The following DPP10 variants were observed in gnomAD, a reference collection of about 807,000 sequenced individuals.
DPP10 encodes the protein inactive dipeptidyl peptidase 10.
In DPP10, 33 loss-of-function variants were observed where a neutral mutation model predicts 120.9. The ratio of observed to expected loss-of-function variants is 0.27; its 90% CI spans 0.21 to 0.37. The LOEUF (loss-of-function observed/expected upper bound fraction) is 0.37. DPP10 is among the 10% of genes least tolerant of loss of function. The pLI, the probability that DPP10 is intolerant of heterozygous loss-of-function variation, is 1.00. For missense variants in DPP10, 816 were observed against 942.8 expected (o/e 0.87, Z 1.76); for synonymous variants, 337 against 326.1 (o/e 1.03, Z -0.36).
At chr2:115,016,173 C>A (rs1363980972) in intron 1 of DPP10, among the ~76,000 whole-genome samples, 1 of 152,120 alleles carries the variant, frequency 6.6e-6, no homozygotes, top group Non-Finnish European at 1.5e-5. Context: ...TGGAACAGAA[C>A]AGAACAGAGG....
At chr2:115,098,878 A>G (rs534511058) in intron 1 of DPP10, among the ~76,000 whole-genome samples, 1 of 152,168 alleles carries the variant, frequency 6.6e-6, no homozygotes, top group Non-Finnish European at 1.5e-5. Flanking sequence ...GCAGAATGTC[A>G]TATCTGCAGG....
intron 5 of DPP10, among the ~76,000 whole-genome samples, chr2:115,681,740 T>TTCTC: frequency 6.7e-6 from 1 of 149,160 alleles, no homozygotes; most frequent in South Asian, 2.1e-4. Context: ...CTTTCTTCCT[T>TTCTC]TCTCTCTCTC....
At chr2:114,586,380 G>A (rs1156727698) in intron 1 of DPP10, among the ~76,000 whole-genome samples, 1 of 152,232 alleles carries the variant, frequency 6.6e-6, no homozygotes, top group Non-Finnish European at 1.5e-5. Flanking sequence ...ATTAACAGCA[G>A]AGTGGGGTTC....
At chr2:115,137,276 A>T (rs997938959) in intron 1 of DPP10, among the ~76,000 whole-genome samples, 1 of 152,204 alleles carries the variant, frequency 6.6e-6, no homozygotes, top group African/African-American at 2.4e-5. Flanking sequence ...AGTGCAAGAA[A>T]AGAATCCCAG....
chr2:115,700,146 C>T (rs940786970), intron 7 of DPP10, among the ~76,000 whole-genome samples: 2 of 152,068 alleles, frequency 1.3e-5, no homozygotes, highest in Non-Finnish European at 2.9e-5. Context: ...CACTCATTAT[C>T]CTGAGAAAAG....
chr2:115,729,599 T>C (rs186018250), intron 8 of DPP10, among the ~76,000 whole-genome samples: 176 of 152,224 alleles, frequency 1.2e-3, no homozygotes, highest in Non-Finnish European at 2.0e-3. Context: ...GGTTTTCATT[T>C]CTACTAAAAA....
At chr2:114,957,384 T>A (rs1263178808) in intron 1 of DPP10, among the ~76,000 whole-genome samples, 2 of 152,000 alleles carry the variant, frequency 1.3e-5, no homozygotes, top group South Asian at 2.1e-4. Context: ...GAAATGCAAA[T>A]CAAAACCGCA....
chr2:114,819,412 G>A (rs975839083), intron 1 of DPP10, among the ~76,000 whole-genome samples: 2 of 151,958 alleles, frequency 1.3e-5, no homozygotes, highest in African/African-American at 4.8e-5. Flanking sequence ...TGTCCCTAAA[G>A]CCCTCTAAAG....
At chr2:115,638,188 C>T (rs369131631) in intron 5 of DPP10, among the ~76,000 whole-genome samples, 1 of 152,090 alleles carries the variant, frequency 6.6e-6, no homozygotes, top group South Asian at 2.1e-4. Context: ...CTTTGAAATC[C>T]GTCAGTTGAT....
chr2:115,652,734 T>C (rs2149382637), intron 5 of DPP10, among the ~76,000 whole-genome samples: 1 of 151,832 alleles, frequency 6.6e-6, no homozygotes, highest in Admixed American at 6.6e-5. Flanking sequence ...TCTCTTATTC[T>C]GCATTTTGTT....
chr2:115,014,294 A>G (rs753239471), intron 1 of DPP10, among the ~76,000 whole-genome samples: 1 of 152,170 alleles, frequency 6.6e-6, no homozygotes, highest in Non-Finnish European at 1.5e-5. Flanking sequence ...CTTTGAAACC[A>G]ATGAGAACAA....
intron 4 of DPP10, among the ~76,000 whole-genome samples, chr2:115,522,000 A>G (rs2077839625): frequency 6.6e-6 from 1 of 152,158 alleles, no homozygotes; most frequent in Admixed American, 6.6e-5. Context: ...GTAGGTTGTA[A>G]TTCAAAACTG....
At chr2:115,384,558 G>GAA (rs1559521789) in intron 3 of DPP10, among the ~76,000 whole-genome samples, 55 of 142,834 alleles carry the variant, frequency 3.9e-4, no homozygotes, top group South Asian at 1.1e-3. Flanking sequence ...AAGAAGAAGA[G>GAA]GAAGAAGAAG....
intron 1 of DPP10, among the ~76,000 whole-genome samples, chr2:114,653,059 T>TGTGTGTGTGTGTGTGTG (rs34619030): frequency 1.3e-5 from 2 of 151,002 alleles, no homozygotes; most frequent in African/African-American, 4.9e-5. Flanking sequence ...TGTGTGTGTG[T>TGTGTGTGTGTGTGTGTG]TTTACTACCT....
At chr2:114,485,633 A>T (rs1256846510) in intron 1 of DPP10, among the ~76,000 whole-genome samples, 1 of 151,886 alleles carries the variant, frequency 6.6e-6, no homozygotes, top group African/African-American at 2.4e-5. Flanking sequence ...ATAGCCTCTC[A>T]TGATCTTTGA....
intron 3 of DPP10, among the ~76,000 whole-genome samples, chr2:115,463,983 T>G (rs969006388): frequency 6.6e-6 from 1 of 152,162 alleles, no homozygotes; most frequent in African/African-American, 2.4e-5. Context: ...ATTTCTTGTG[T>G]GTCCAGTAGA....
At chr2:114,980,730 T>C (rs1347679982) in intron 1 of DPP10, among the ~76,000 whole-genome samples, 1 of 151,634 alleles carries the variant, frequency 6.6e-6, no homozygotes, top group African/African-American at 2.4e-5. Context: ...AATCCAACTC[T>C]TAACAATAAT....
chr2:114,861,931 T>A (rs994931285), intron 1 of DPP10, among the ~76,000 whole-genome samples: 1 of 152,104 alleles, frequency 6.6e-6, no homozygotes, highest in African/African-American at 2.4e-5. Context: ...AAAGAGAGAT[T>A]TTGTCTCCAT....
At chr2:115,080,570 TGGCTGATTTTGTACAACAGCAGA>T (rs1708193178) in intron 1 of DPP10, among the ~76,000 whole-genome samples, 1 of 152,182 alleles carries the variant, frequency 6.6e-6, no homozygotes, top group Non-Finnish European at 1.5e-5. Context: ...GAATTGTCTG[TGGCTGATTTTGTACAACAGCAGA>T]AAATCACAAA....
Sources: allele counts gnomAD v4.1 joint callset (sites outside exome capture counted in the v4.1 genomes callset), GRCh38; gene constraint gnomAD v4.1.1; transcripts MANE v1.5; gene names NCBI Gene and HGNC (gene_info 2026-07-23, HGNC 2026-07-21).